MUC5B: variants seen among roughly 807,000 people sequenced by gnomAD.
The protein encoded by MUC5B is mucin-5B.
In MUC5B, 116 loss-of-function variants were observed where a neutral mutation model predicts 376.9. That is an observed-to-expected ratio of 0.31 (90% CI 0.26 to 0.36). The LOEUF is 0.36. MUC5B is among the 10% of genes least tolerant of loss of function. The pLI, the probability that MUC5B is intolerant of heterozygous loss-of-function variation, is 1.00. For missense variants in MUC5B, 7,165 were observed against 7,769.9 expected (o/e 0.92, Z 2.93); for synonymous variants, 3,517 against 3,390.9 (o/e 1.04, Z -1.29).
chr11:1,234,125 C>A lies in MUC5B; in HGVS notation c.2378-80C>A. ...GGGGCTGTTAACTTGATCAGCAGGACAGGCTCAGGGCTGCCTGGGGTCAGT... is the reference window on the plus strand; with the variant it reads ...GGGGCTGTTAACTTGATCAGCAGGAAAGGCTCAGGGCTGCCTGGGGTCAGT... On this transcript the variant is annotated intron_variant, in intron 19 of 48. Coordinates refer to ENST00000529681, the MANE Select transcript of MUC5B (RefSeq NM_002458.3). This position sits in a 1 kb window ranked among gnomAD's most constrained non-coding sequence, Gnocchi z 6.3. The A allele has an allele frequency of 2.5e-6, 3 of 1,194,828 alleles. No individual in the cohort carries two copies. Among genetic ancestry groups the A allele is most frequent in the African/African-American group, 1.5e-5 (1 of 66,328 alleles). The allele number at this position is 1,194,828 out of a possible 1,614,324, so 74.0% of individuals were successfully genotyped here.
In MUC5B at chr11:1,250,586, C is replaced by A; in HGVS notation, c.13706C>A (p.Ala4569Asp). The A allele has an allele frequency of 6.2e-7, 1 of 1,613,556 alleles. No individual in the cohort carries two copies. Among genetic ancestry groups the A allele is most frequent in the Non-Finnish European group, 8.5e-7 (1 of 1,179,850 alleles). ...VHTSTVLTATATTTGATGSVA... is the reference protein window; with the variant it reads ...VHTSTVLTATDTTTGATGSVA... ...ACCTCCACAGTGCTTACCGCCACGG[C>A]CACCACAACCGGGGCCACCGGCTCT... Residue 4569 changes from alanine (A) to aspartate (D), a missense_variant, in exon 31 of 49, where the codon GCC (alanine) becomes GAC (aspartate). Around this residue, in one of 31 missense-constraint regions of MUC5B, gnomAD observed 730 missense variants for 592.7 expected, o/e 1.23. Coordinates refer to ENST00000529681, the MANE Select transcript of MUC5B (RefSeq NM_002458.3).
rs1364412675 is a variant in MUC5B at position 1,235,136 on chromosome 11, C to T, written c.2682C>T (p.Thr894=). ...GCAGCCACCGGCTCTGCCTGGGCACCTGCGTGGCCTACGGGGATGGCCACT... is the reference window on the plus strand; with the variant it reads ...GCAGCCACCGGCTCTGCCTGGGCACTTGCGTGGCCTACGGGGATGGCCACT... The part of the protein sequence containing the change: ...WECSHRLCLG[T]CVAYGDGHFI... Residue 894 remains threonine, a synonymous_variant, in exon 22 of 49, where the codon ACC becomes ACT. Transcript: ENST00000529681. 6.2e-7 allele frequency: 1 copy of T among 1,612,790 alleles called. No individual in the cohort carries two copies. Among genetic ancestry groups the T allele is most frequent in the East Asian group, 2.2e-5 (1 of 44,892 alleles).
intron 25 of MUC5B, among the ~76,000 whole-genome samples, 162 bp from the exon 26 acceptor site, chr11:1,238,709 C>A (rs1862208116): frequency 6.6e-6 from 1 of 151,718 alleles, no homozygotes; most frequent in Non-Finnish European, 1.5e-5. Context: ...GGGCAGCTCC[C>A]ATTTGGGGCA....
chr11:1,246,083 C>A lies in MUC5B; in HGVS notation c.9203C>A (p.Pro3068His). The change falls in exon 31 of 49, where the codon CCC (proline) becomes CAC (histidine). Residue 3068 changes from proline (P) to histidine (H), a missense_variant. This residue lies in a region of MUC5B where 939 missense variants were observed against 770.6 expected (regional missense o/e 1.22). Transcript: ENST00000529681. ...AAATCCACAGCTACCAGCTTTACACCCATCCCCTCCTTCACCCTTGGGACC... is the reference window on the plus strand; with the variant it reads ...AAATCCACAGCTACCAGCTTTACACACATCCCCTCCTTCACCCTTGGGACC... ...ATKSTATSFTPIPSFTLGTTG... is the reference protein window; with the variant it reads ...ATKSTATSFTHIPSFTLGTTG... 1 of 1,613,134 alleles carries A rather than the reference C, an allele frequency of 6.2e-7. No individual in the cohort carries two copies. Among genetic ancestry groups the A allele is most frequent in the South Asian group, 1.1e-5 (1 of 91,038 alleles).
rs1294185824 is a variant in MUC5B, at chr11:1,244,475, C to T, written c.7595C>T (p.Pro2532Leu). The change falls in exon 31 of 49, where the codon CCC becomes CTC. Residue 2532 changes from proline (P) to leucine (L), a missense_variant. Around this residue, in one of 31 missense-constraint regions of MUC5B, gnomAD observed 194 missense variants for 268.5 expected, o/e 0.72. Transcript: ENST00000529681. ...GCACTGAGAAGCACAGCCACCACAC[C>T]CACAGCTACCAGCTTTACAGCCATC... is the stretch of plus-strand genomic sequence containing the variant. Reference protein sequence around the residue: ...LPALRSTATTPTATSFTAIPS... With the variant: ...LPALRSTATTLTATSFTAIPS... 2.6e-6 allele frequency: 4 copies of T among 1,533,074 alleles called. No individual in the cohort carries two copies. The highest frequency in any genetic ancestry group is 1.7e-5 in the Admixed American group (1 of 59,300). 95.0% of individuals were successfully genotyped at this position (1,533,074 alleles called of 1,614,324 possible).
In MUC5B at chr11:1,257,852, G is replaced by A; in HGVS notation, c.16450+142G>A. The A allele has an allele frequency of 9.3e-7, 1 of 1,079,118 alleles. No homozygotes were observed. The highest frequency in any genetic ancestry group is 1.3e-6 in the Non-Finnish European group (1 of 769,874). The allele number at this position is 1,079,118 out of a possible 1,614,324, so 66.8% of individuals were successfully genotyped here. ...GTGACCGCGGCAGGACCACTCGGCA[G>A]AGATGGCCTCCAGGTGCTTCATTCT... On this transcript the variant is annotated intron_variant, in intron 41 of 48. Transcript: ENST00000529681. This position sits in a 1 kb window ranked among gnomAD's most constrained non-coding sequence, Gnocchi z 8.9.
rs367587782 is a variant in MUC5B at position 1,232,782 on chromosome 11, C to T, written c.2065+12C>T. The T allele has an allele frequency of 7.6e-6, 12 of 1,584,006 alleles. No homozygotes were observed. The African/African-American group carries it at 9.4e-5, about 12-fold the overall frequency. Reference sequence around the variant, plus strand: ...GGACGGCGTCTGCAGTGAGTGCCCACGCTGGGGGTGGGATGTGTCCACACC... The same window carrying T: ...GGACGGCGTCTGCAGTGAGTGCCCATGCTGGGGGTGGGATGTGTCCACACC... On this transcript the variant is annotated intron_variant, in intron 17 of 48. Coordinates refer to ENST00000529681, the MANE Select transcript of MUC5B (RefSeq NM_002458.3).
intron 34 of MUC5B, 121 bp downstream of exon 34, chr11:1,254,472 AG>A: frequency 7.0e-7 from 1 of 1,422,878 alleles, no homozygotes; most frequent in Non-Finnish European, 9.4e-7. Context: ...GACAGCTCCC[AG>A]GGGGCAGGGA....
chr11:1,235,888 C>T (rs943584673), intron 23 of MUC5B, among the ~76,000 whole-genome samples: 6 of 152,116 alleles, frequency 3.9e-5, no homozygotes, highest in Admixed American at 2.0e-4. Flanking sequence ...AGTGAGGGCC[C>T]GGGCTGAGGT....
Position 1,226,857 on chromosome 11 carries a change from G to C in MUC5B, c.442G>C (p.Val148Leu). The C allele has an allele frequency of 6.2e-6, 10 of 1,607,028 alleles. No homozygotes were observed. Among genetic ancestry groups the C allele is most frequent in the Non-Finnish European group, 8.5e-6 (10 of 1,179,564 alleles). ...GLVLEASNGSVLINGQREELP... is the reference protein window; with the variant it reads ...GLVLEASNGSLLINGQREELP... Reference sequence around the variant, plus strand: ...GGTGCTGGAGGCGTCCAACGGCTCCGTCCTCATCAATGGGCAGCGGTGAGC... The same window carrying C: ...GGTGCTGGAGGCGTCCAACGGCTCCCTCCTCATCAATGGGCAGCGGTGAGC... Residue 148 changes from valine (V) to leucine (L), a missense_variant, in exon 4 of 49, where the codon GTC (valine) becomes CTC (leucine). By Grantham distance (32) the Val-to-Leu change is conservative. This residue lies in a region of MUC5B where 640 missense variants were observed against 733.0 expected (regional missense o/e 0.87). Transcript: ENST00000529681.
rs748455491 is a variant in MUC5B at position 1,246,350 on chromosome 11, C to T, written c.9470C>T (p.Thr3157Ile). Residue 3157 changes from threonine (T) to isoleucine (I), a missense_variant, in exon 31 of 49, where the codon ACC becomes ATC. Physicochemically the swap from Thr to Ile is moderately conservative, Grantham distance 89. Around this residue, in one of 31 missense-constraint regions of MUC5B, gnomAD observed 939 missense variants for 770.6 expected, o/e 1.22. Coordinates refer to ENST00000529681, the MANE Select transcript of MUC5B (RefSeq NM_002458.3). ...GGCCCCACGGCCACCCCGTCCTCCACCCCAGGGACCACCTGGATCCTCACA... is the reference window on the plus strand; with the variant it reads ...GGCCCCACGGCCACCCCGTCCTCCATCCCAGGGACCACCTGGATCCTCACA... Reference protein sequence around the residue: ...ATGPTATPSSTPGTTWILTEP... With the variant: ...ATGPTATPSSIPGTTWILTEP... 2.2e-5 allele frequency: 35 copies of T among 1,603,824 alleles called. No individual in the cohort carries two copies. Among genetic ancestry groups the T allele is most frequent in the Non-Finnish European group, 2.8e-5 (33 of 1,173,384 alleles).
intron 32 of MUC5B, 134 bp downstream of exon 32, chr11:1,252,658 A>T: frequency 7.3e-7 from 1 of 1,372,168 alleles, no homozygotes; most frequent in Non-Finnish European, 9.7e-7. Context: ...GAGGAGGCAC[A>T]CAGGGCCTAG....
intron 38 of MUC5B, 184 bp from the exon 39 acceptor site, chr11:1,256,487 T>G: frequency 1.1e-4 from 21 of 186,096 alleles, no homozygotes; most frequent in East Asian, 5.3e-4. Context: ...CGCCCATACT[T>G]AGCCCCGCCC....
chr11:1,223,167 C>T lies in MUC5B; in HGVS notation c.44C>T (p.Ala15Val), dbSNP rs758323099. The part of the protein sequence containing the change: ...SACRTLVLAL[A>V]AMLVVPQAET... ...TGCCGGACGCTGGTGTTGGCTCTGGCGGCCATGCTCGTGGTGCCGCAGGCA... is the reference window on the plus strand; with the variant it reads ...TGCCGGACGCTGGTGTTGGCTCTGGTGGCCATGCTCGTGGTGCCGCAGGCA... The change falls in exon 1 of 49, where the codon GCG (alanine) becomes GTG (valine). Residue 15 changes from alanine to valine, a missense_variant. Coordinates refer to ENST00000529681, the MANE Select transcript of MUC5B (RefSeq NM_002458.3). 23 of 710,224 alleles carry T rather than the reference C, an allele frequency of 3.2e-5. No homozygotes were observed. In the East Asian group the frequency reaches 3.5e-4, roughly 11 times the overall value. 44.0% of individuals were successfully genotyped at this position (710,224 alleles called of 1,614,324 possible).
In MUC5B at chr11:1,228,506, A is replaced by G. The variant is rs1262922872; in HGVS notation, c.775-58A>G. The G allele has an allele frequency of 1.4e-5, 20 of 1,436,062 alleles. No homozygotes were observed. The African/African-American group carries it at 2.3e-4, about 16-fold the overall frequency. The allele number at this position is 1,436,062 out of a possible 1,614,324, so 89.0% of individuals were successfully genotyped here. A position where few individuals can be genotyped will look rare whatever the true frequency, so the allele number is the denominator to read the frequency against. ...GGCCTGCCATGGGTCCTATTCCAGC[A>G]CCGTGGCAGCCCCCATGGATGGCAG... On this transcript the variant is annotated intron_variant, in intron 7 of 48. Transcript: ENST00000529681.
intron 1 of MUC5B, among the ~76,000 whole-genome samples, chr11:1,224,046 A>C (rs1421110533): frequency 6.6e-6 from 1 of 152,240 alleles, no homozygotes; most frequent in African/African-American, 2.4e-5. Context: ...AGTGGCTCCC[A>C]GCCTGGGCCC....
intron 5 of MUC5B, 48 bp downstream of exon 5, chr11:1,227,193 C>G: frequency 6.3e-7 from 1 of 1,586,612 alleles, no homozygotes; most frequent in African/African-American, 1.3e-5. Context: ...GGCCACAAAA[C>G]CCCCACCGGG....
At chr11:1,261,331 T>G in intron 48 of MUC5B, 58 bp from the exon 49 acceptor site, 3 of 1,470,182 alleles carry the variant, frequency 2.0e-6, no homozygotes, top group Non-Finnish European at 2.7e-6. Context: ...TCACCATGGC[T>G]GGGCAGAGAA....
rs990495722 is a variant in MUC5B at position 1,257,289 on chromosome 11, C to T, written c.16269+18C>T. 1.3e-6 allele frequency: 1 copy of T among 782,018 alleles called. No homozygotes were observed. The highest frequency in any genetic ancestry group is 2.4e-6 in the Non-Finnish European group (1 of 420,358). 48.4% of individuals were successfully genotyped at this position (782,018 alleles called of 1,614,324 possible). A position where few individuals can be genotyped will look rare whatever the true frequency, so the allele number is the denominator to read the frequency against. On this transcript the variant is annotated intron_variant, in intron 40 of 48. Transcript: ENST00000529681. The surrounding 1 kb of genome is among the most constrained non-coding windows in gnomAD (Gnocchi z 8.9). ...CTAAATTTGTGAGTGGCTCCACCCC[C>T]ACCTGCCCTACCCCACCCTCTCGCG...
Sources: allele counts gnomAD v4.1 joint callset (sites outside exome capture counted in the v4.1 genomes callset), GRCh38; gene constraint gnomAD v4.1.1; regional missense constraint gnomAD v4.1.1; non-coding constraint Gnocchi (gnomAD v3.1); transcripts MANE v1.5; gene names NCBI Gene and HGNC (gene_info 2026-07-23, HGNC 2026-07-21).